Variants in FREM3 observed in about 807,000 individuals in gnomAD.
FREM3 encodes the protein FRAS1-related extracellular matrix protein 3.
Under a neutral mutation model 129.1 loss-of-function variants are expected in FREM3, and 105 were observed. The ratio of observed to expected loss-of-function variants is 0.81; its 90% CI spans 0.69 to 0.96. The LOEUF (loss-of-function observed/expected upper bound fraction) is 0.96, where lower values mean the gene tolerates loss of function less well. FREM3 is among the 40% of genes least tolerant of loss of function. FREM3 has a pLI of 0.00. For missense variants in FREM3, 2,593 were observed against 2,666.3 expected (o/e 0.97, Z 0.61); for synonymous variants, 1,014 against 1,044.9 (o/e 0.97, Z 0.57).
intron 2 of FREM3, among the ~76,000 whole-genome samples, chr4:143,631,582 A>C (rs572902159): frequency 6.6e-6 from 1 of 152,254 alleles, no homozygotes; most frequent in African/African-American, 2.4e-5. Context: ...AGGATTCTCT[A>C]ATCCAACTAG....
At chr4:143,598,697 A>G (rs1738523172) in intron 6 of FREM3, among the ~76,000 whole-genome samples, 1 of 152,190 alleles carries the variant, frequency 6.6e-6, no homozygotes, top group African/African-American at 2.4e-5. Flanking sequence ...ATGGTTGACC[A>G]TATATATAAA....
chr4:143,604,606 G>A (rs1738634340), intron 6 of FREM3, among the ~76,000 whole-genome samples: 1 of 152,028 alleles, frequency 6.6e-6, no homozygotes, highest in Non-Finnish European at 1.5e-5. Context: ...AATCTCAGGG[G>A]TGCTGAGAAT....
chr4:143,689,372 A>T (rs11735239), intron 2 of FREM3, among the ~76,000 whole-genome samples: 38,212 of 152,028 alleles, frequency 0.25, 5,890 homozygotes, highest in South Asian at 0.33. Flanking sequence ...AAAAATAATT[A>T]AAAAAAGCAG....
Position 143,611,390 on chromosome 4 carries a change from G to A in FREM3, c.5917C>T (p.Leu1973Phe). ...CTGAAGGATTCCTCCTCTTCATAAA[G>A]GGAGTCATCAATGATCAGGACCTGG... is the stretch of plus-strand genomic sequence containing the variant. ...TCQVLIIDDS[L>F]YEEEESFSVS... Residue 1973 changes from leucine to phenylalanine, a missense_variant, in exon 6 of 8, where the codon CTT becomes TTT. Leu to Phe is a conservative substitution (Grantham distance 22). Around this residue, in one of 2 missense-constraint regions of FREM3, gnomAD observed 317 missense variants for 399.0 expected, o/e 0.79. Transcript: ENST00000329798. 6.5e-7 allele frequency: 1 copy of A among 1,537,160 alleles called. No homozygotes were observed. The highest frequency in any genetic ancestry group is 8.7e-7 in the Non-Finnish European group (1 of 1,146,840).
intron 2 of FREM3, among the ~76,000 whole-genome samples, chr4:143,661,467 G>A (rs1442592258): frequency 6.6e-6 from 1 of 151,842 alleles, no homozygotes; most frequent in African/African-American, 2.4e-5. Flanking sequence ...TAAGCTTTTT[G>A]ATGTGCTGCT....
At chr4:143,660,929 G>T (rs1429689654) in intron 2 of FREM3, among the ~76,000 whole-genome samples, 3 of 152,190 alleles carry the variant, frequency 2.0e-5, no homozygotes, top group Non-Finnish European at 2.9e-5. Context: ...TTTGTACATT[G>T]ATTTTGTATC....
chr4:143,616,792 C>CAAAAAAA lies in FREM3; in HGVS notation c.5779+4238_5779+4244dup, dbSNP rs775898686. ...TGGGCAACAGAGCGAGACTCCGTCT[C>CAAAAAAA]AAAAAAAAAAAGGAAGAAAGAAAAA... On this transcript the variant is annotated intron_variant, in intron 5 of 7. Coordinates refer to ENST00000329798, the MANE Select transcript of FREM3 (RefSeq NM_001168235.2). Among the ~76,000 whole-genome samples the CAAAAAAA allele has an allele frequency of 2.9e-4, 39 of 136,570 alleles. 3 individuals carry two copies. Among genetic ancestry groups the CAAAAAAA allele is most frequent in the African/African-American group, 1.1e-3 (38 of 35,752 alleles). The allele number at this position is 136,570 out of a possible 152,430, so 89.6% of individuals were successfully genotyped here. A position where few individuals can be genotyped will look rare whatever the true frequency, so the allele number is the denominator to read the frequency against.
At chr4:143,691,498 AC>A (rs1415877014) in intron 2 of FREM3, among the ~76,000 whole-genome samples, 3 of 152,182 alleles carry the variant, frequency 2.0e-5, no homozygotes, top group African/African-American at 7.2e-5. Context: ...GAACTCCAGA[AC>A]TGTAAGATGA....
intron 6 of FREM3, among the ~76,000 whole-genome samples, chr4:143,593,170 A>T (rs570222108): frequency 2.0e-5 from 3 of 152,018 alleles, no homozygotes; most frequent in African/African-American, 4.8e-5. Flanking sequence ...CTTCTTTGCC[A>T]TTGGTTCGAA....
intron 6 of FREM3, among the ~76,000 whole-genome samples, chr4:143,589,461 C>A (rs1738314048): frequency 2.0e-5 from 3 of 152,274 alleles, no homozygotes; most frequent in Admixed American, 6.5e-5. Context: ...CTACATGTGG[C>A]TAGCCAGTTT....
chr4:143,586,314 T>A (rs1738243746), intron 6 of FREM3, among the ~76,000 whole-genome samples: 1 of 152,162 alleles, frequency 6.6e-6, no homozygotes, highest in Admixed American at 6.5e-5. Context: ...CAGCTGTAAC[T>A]CAGGCAAGTC....
chr4:143,696,128 G>A lies in FREM3; in HGVS notation c.4548C>T (p.Ile1516=), dbSNP rs1048381340. 15 of 1,537,352 alleles carry A rather than the reference G, an allele frequency of 9.8e-6. No homozygotes were observed. Among genetic ancestry groups the A allele is most frequent in the African/African-American group, 4.1e-5 (3 of 73,030 alleles). Reference sequence around the variant, plus strand: ...TTCTGAACACAGGGTAGAGTTCGCCGATCACTTGAAATTCGAAGCTGTCCA... The same window carrying A: ...TTCTGAACACAGGGTAGAGTTCGCCAATCACTTGAAATTCGAAGCTGTCCA... The part of the protein sequence containing the change: ...KKMDSFEFQV[I]GELYPVFRTF... Residue 1516 remains isoleucine (I), a synonymous_variant, in exon 1 of 8, where the codon ATC becomes ATT. Transcript: ENST00000329798.
At chr4:143,668,128 G>C (rs1325372733) in intron 2 of FREM3, among the ~76,000 whole-genome samples, 4 of 152,244 alleles carry the variant, frequency 2.6e-5, no homozygotes, top group Non-Finnish European at 4.4e-5. Context: ...TGAAAGATAA[G>C]GCATAAGTAA....
chr4:143,668,756 A>G (rs989904053), intron 2 of FREM3, among the ~76,000 whole-genome samples: 1 of 152,254 alleles, frequency 6.6e-6, no homozygotes, highest in Non-Finnish European at 1.5e-5. Flanking sequence ...AATTTCTCAT[A>G]AACACAGGCT....
chr4:143,641,421 C>A (rs1454367272), intron 2 of FREM3, among the ~76,000 whole-genome samples: 1 of 152,182 alleles, frequency 6.6e-6, no homozygotes, highest in Non-Finnish European at 1.5e-5. Context: ...TTTGGCTGAA[C>A]CTTGGATCTA....
chr4:143,695,789 G>A lies in FREM3; in HGVS notation c.4887C>T (p.His1629=). 1 of 1,537,298 alleles carries A rather than the reference G, an allele frequency of 6.5e-7. No homozygotes were observed. Among genetic ancestry groups the A allele is most frequent in the East Asian group, 2.4e-5 (1 of 40,916 alleles). The change falls in exon 1 of 8, where the codon CAC becomes CAT. Residue 1629 remains histidine (H), a synonymous_variant. Coordinates refer to ENST00000329798, the MANE Select transcript of FREM3 (RefSeq NM_001168235.2). The part of the protein sequence containing the change: ...SFSLTVTDGT[H]TDFYVLPDTA... ...TGTCTGGTAGGACATAGAAATCAGT[G>A]TGAGTGCCGTCTGTCACAGTCAAGG... is the stretch of plus-strand genomic sequence containing the variant.
At chr4:143,582,507 G>C (rs570478758) in intron 7 of FREM3, among the ~76,000 whole-genome samples, 1 of 152,228 alleles carries the variant, frequency 6.6e-6, no homozygotes, top group East Asian at 1.9e-4. Flanking sequence ...CAGAAACAAA[G>C]TCAATTGACT....
chr4:143,658,284 T>C (rs1163781062), intron 2 of FREM3, among the ~76,000 whole-genome samples: 1 of 151,976 alleles, frequency 6.6e-6, no homozygotes, highest in Non-Finnish European at 1.5e-5. Context: ...ATGGGATTAG[T>C]CCCCTTATAA....
chr4:143,605,211 A>G (rs955876107), intron 6 of FREM3, among the ~76,000 whole-genome samples: 1 of 152,024 alleles, frequency 6.6e-6, no homozygotes, highest in African/African-American at 2.4e-5. Context: ...TATATTTAAT[A>G]TTGGAAATTT....
Sources: allele counts gnomAD v4.1 joint callset (sites outside exome capture counted in the v4.1 genomes callset), GRCh38; gene constraint gnomAD v4.1.1; regional missense constraint gnomAD v4.1.1; transcripts MANE v1.5; gene names NCBI Gene and HGNC (gene_info 2026-07-23, HGNC 2026-07-21).